The following HDAC9 variants were observed in gnomAD, a reference collection of about 807,000 sequenced individuals.
The protein encoded by HDAC9 is histone deacetylase 9.
In HDAC9, 41 loss-of-function variants were observed where a neutral mutation model predicts 139.4. The ratio of observed to expected loss-of-function variants is 0.29; its 90% CI spans 0.23 to 0.38. HDAC9 has a LOEUF of 0.38. HDAC9 is among the 10% of genes least tolerant of loss of function. The pLI, the probability that HDAC9 is intolerant of heterozygous loss-of-function variation, is 1.00. For synonymous variants in HDAC9, 517 were observed against 476.2 expected (o/e 1.09, Z -1.12); for missense variants, 1,147 against 1,297.0 (o/e 0.88, Z 1.78).
chr7:18,581,554 G>A (rs1827841622), intron 2 of HDAC9, among the ~76,000 whole-genome samples: 1 of 152,160 alleles, frequency 6.6e-6, no homozygotes, highest in Non-Finnish European at 1.5e-5. Flanking sequence ...AAGAATGCCA[G>A]CAAGAAGAGA....
chr7:18,207,096 G>GTTTGTT (rs955232176), intron 2 of HDAC9, among the ~76,000 whole-genome samples: 4 of 151,688 alleles, frequency 2.6e-5, no homozygotes, highest in Non-Finnish European at 5.9e-5. Context: ...TGTTTGTTTG[G>GTTTGTT]TTTGTTTTTG....
intron 21 of HDAC9, among the ~76,000 whole-genome samples, chr7:18,859,753 A>G (rs1191660752): frequency 1.4e-5 from 2 of 143,042 alleles, no homozygotes; most frequent in Admixed American, 1.4e-4. Flanking sequence ...CCTTATTTTT[A>G]TGCCTACAAA....
chr7:18,534,813 C>G (rs1285633648), intron 2 of HDAC9, among the ~76,000 whole-genome samples: 1 of 152,138 alleles, frequency 6.6e-6, no homozygotes, highest in African/African-American at 2.4e-5. Flanking sequence ...CAGGGAATAA[C>G]TCTTTATTCT....
At chr7:18,785,238 A>G (rs1320310107) in intron 16 of HDAC9, among the ~76,000 whole-genome samples, 2 of 152,030 alleles carry the variant, frequency 1.3e-5, no homozygotes, top group Non-Finnish European at 2.9e-5. Flanking sequence ...AAAAATAAAT[A>G]TATAACAGCA....
intron 24 of HDAC9, among the ~76,000 whole-genome samples, chr7:18,955,729 A>T (rs1783101606): frequency 6.6e-6 from 1 of 152,130 alleles, no homozygotes. Flanking sequence ...GGTCATAGAC[A>T]AGGGGCGGTC....
intron 1 of HDAC9, among the ~76,000 whole-genome samples, chr7:18,390,418 G>A (rs1786365670): frequency 6.6e-6 from 1 of 151,924 alleles, no homozygotes; most frequent in African/African-American, 2.4e-5. Flanking sequence ...AAACCCTTAG[G>A]GTTTACTTAT....
intron 1 of HDAC9, among the ~76,000 whole-genome samples, chr7:18,419,171 T>C (rs1789380236): frequency 6.6e-6 from 1 of 152,220 alleles, no homozygotes; most frequent in Non-Finnish European, 1.5e-5. Flanking sequence ...TTTCTTTCTA[T>C]TGTATGACAA....
intron 19 of HDAC9, among the ~76,000 whole-genome samples, chr7:18,833,002 C>T (rs1243338586): frequency 6.6e-6 from 1 of 152,068 alleles, no homozygotes; most frequent in East Asian, 1.9e-4. Flanking sequence ...TCCCAAAGTG[C>T]TGGGATTACA....
At chr7:18,664,145 T>A (rs1165478963) in intron 11 of HDAC9, among the ~76,000 whole-genome samples, 1 of 152,150 alleles carries the variant, frequency 6.6e-6, no homozygotes, top group Non-Finnish European at 1.5e-5. Context: ...GTACTATGTA[T>A]TAAAGAAAAG....
chr7:18,780,035 A>C (rs1299161299), intron 16 of HDAC9, among the ~76,000 whole-genome samples: 2 of 151,940 alleles, frequency 1.3e-5, no homozygotes, highest in Non-Finnish European at 2.9e-5. Flanking sequence ...CGCTTTTTCA[A>C]CTCTAAAGTG....
At chr7:18,849,526 C>T (rs1301795237) in intron 21 of HDAC9, among the ~76,000 whole-genome samples, 1 of 152,074 alleles carries the variant, frequency 6.6e-6, no homozygotes, top group Non-Finnish European at 1.5e-5. Context: ...ACATATCTCC[C>T]ACACTTTTTT....
At chr7:18,445,720 A>G (rs1178952597) in intron 1 of HDAC9, among the ~76,000 whole-genome samples, 1 of 152,254 alleles carries the variant, frequency 6.6e-6, no homozygotes, top group African/African-American at 2.4e-5. Context: ...CCATGAAAAC[A>G]ATGTTTTGAA....
chr7:18,529,798 A>G (rs549933223), intron 2 of HDAC9, among the ~76,000 whole-genome samples: 31 of 152,214 alleles, frequency 2.0e-4, no homozygotes, highest in Admixed American at 1.6e-3. Context: ...ATTTTTTTAA[A>G]TCTTTATTGG....
intron 16 of HDAC9, among the ~76,000 whole-genome samples, chr7:18,771,122 G>C (rs755695397): frequency 6.6e-6 from 1 of 152,096 alleles, no homozygotes; most frequent in East Asian, 1.9e-4. Flanking sequence ...TGCAGGGCAC[G>C]GGCAGAACTG....
At chr7:18,092,439 G>A (rs12537699) in intron 1 of HDAC9, among the ~76,000 whole-genome samples, 70,650 of 149,810 alleles carry the variant, frequency 0.47, 16,791 homozygotes, top group Admixed American at 0.57. Context: ...GGTAAAGTCA[G>A]CAGACCTGAC....
intron 11 of HDAC9, among the ~76,000 whole-genome samples, chr7:18,656,070 T>A (rs1475320523): frequency 6.6e-6 from 1 of 151,900 alleles, no homozygotes; most frequent in African/African-American, 2.4e-5. Flanking sequence ...TTGCATATTT[T>A]GGTAGCTTGC....
At chr7:18,251,251 CAG>C (rs1794899231) in intron 2 of HDAC9, among the ~76,000 whole-genome samples, 1 of 152,030 alleles carries the variant, frequency 6.6e-6, no homozygotes, top group African/African-American at 2.4e-5. Flanking sequence ...CAAACTAATG[CAG>C]AGAGAGAAAA....
In HDAC9 at chr7:18,794,730, G is replaced by T. The variant is rs983715596; in HGVS notation, c.2322+1278G>T. On this transcript the variant is annotated intron_variant, in intron 17 of 25. Transcript: ENST00000686413. ...GAGGAAAAATTCTTCCTATTTGAGT[G>T]CTTGTGTTGTACTTGCACCACTGCA... 3.9e-5 allele frequency among the ~76,000 whole-genome samples: 6 copies of T among 152,178 alleles called. No individual in the cohort carries two copies. In the East Asian group the frequency reaches 9.6e-4, roughly 24 times the overall value.
chr7:18,107,725 T>C (rs986043045), intron 1 of HDAC9, among the ~76,000 whole-genome samples: 1 of 152,196 alleles, frequency 6.6e-6, no homozygotes, highest in Non-Finnish European at 1.5e-5. Context: ...TAAAACAGCT[T>C]TTCTTTTTCA....
Sources: allele counts gnomAD v4.1 joint callset (sites outside exome capture counted in the v4.1 genomes callset), GRCh38; gene constraint gnomAD v4.1.1; transcripts MANE v1.5; gene names NCBI Gene and HGNC (gene_info 2026-07-23, HGNC 2026-07-21).